The following AGBL1 variants were observed in gnomAD, a reference collection of about 807,000 sequenced individuals.
The protein encoded by AGBL1 is AGBL carboxypeptidase 1, also known as cytosolic carboxypeptidase 4.
In AGBL1, 130 loss-of-function variants were observed where a neutral mutation model predicts 118.9. The observed-to-expected ratio is 1.09, with a 90% CI of 0.95 to 1.26. The LOEUF (loss-of-function observed/expected upper bound fraction) is 1.26. Ranked by LOEUF, AGBL1 falls within the 50% of genes most tolerant of loss-of-function variation. The pLI, the probability that AGBL1 is intolerant of heterozygous loss-of-function variation, is 0.00. For synonymous variants in AGBL1, 555 were observed against 478.9 expected, an observed-to-expected ratio of 1.16 and a Z score of -2.08; for missense variants, 1,584 against 1,298.1, an observed-to-expected ratio of 1.22 and a Z score of -3.38.
chr15:86,680,286 C>T (rs368345429), intron 22 of AGBL1, among the ~76,000 whole-genome samples: 11 of 152,060 alleles, frequency 7.2e-5, no homozygotes, highest in African/African-American at 1.4e-4. Flanking sequence ...ATTCATCTTA[C>T]ATTTTTCAGA....
chr15:86,660,917 A>G (rs1007823713), intron 21 of AGBL1, among the ~76,000 whole-genome samples: 12 of 152,202 alleles, frequency 7.9e-5, no homozygotes, highest in Non-Finnish European at 1.5e-4. Flanking sequence ...AGTATTAATG[A>G]AGGAGAGTTT....
At chr15:86,184,042 C>T (rs754650723) in intron 5 of AGBL1, among the ~76,000 whole-genome samples, 1 of 152,154 alleles carries the variant, frequency 6.6e-6, no homozygotes, top group Non-Finnish European at 1.5e-5. Flanking sequence ...AGCTGGTGTA[C>T]ACATTCCTTA....
intron 19 of AGBL1, among the ~76,000 whole-genome samples, chr15:86,542,365 T>A (rs1201414395): frequency 2.0e-5 from 1 of 49,898 alleles, no homozygotes; most frequent in Non-Finnish European, 5.2e-5. Context: ...GATTTTTTTT[T>A]TTTTTTTTTT....
chr15:86,215,872 A>G (rs1322781590), intron 5 of AGBL1, among the ~76,000 whole-genome samples: 1 of 152,176 alleles, frequency 6.6e-6, no homozygotes, highest in East Asian at 1.9e-4. Flanking sequence ...GACTACTGCA[A>G]TAGTTAGGTG....
intron 19 of AGBL1, among the ~76,000 whole-genome samples, chr15:86,530,221 G>T (rs560983970): frequency 2.9e-5 from 4 of 136,542 alleles, no homozygotes; most frequent in South Asian, 2.2e-4. Flanking sequence ...CCCATCTCAC[G>T]TGCAGAGACA....
intron 22 of AGBL1, among the ~76,000 whole-genome samples, chr15:86,833,795 C>T (rs1465233842): frequency 6.6e-6 from 1 of 152,106 alleles, no homozygotes; most frequent in East Asian, 1.9e-4. Context: ...GCTATGTCCC[C>T]AGTACTTAAG....
At chr15:86,091,036 T>C (rs1481478886) in intron 1 of AGBL1, among the ~76,000 whole-genome samples, 2 of 152,182 alleles carry the variant, frequency 1.3e-5, no homozygotes, top group Non-Finnish European at 2.9e-5. Context: ...GTTTCTTGGC[T>C]GGGCTTTAGG....
chr15:86,915,252 ATAGTAT>A lies in AGBL1; in HGVS notation c.*7962_*7967del, dbSNP rs1163857720. 2 of 152,020 alleles carry A rather than the reference ATAGTAT, an allele frequency of 1.3e-5. No individual in the cohort carries two copies. Among genetic ancestry groups the A allele is most frequent in the Non-Finnish European group, 2.9e-5 (2 of 68,038 alleles). 9.4% of individuals were successfully genotyped at this position (152,020 alleles called of 1,614,324 possible). A position where few individuals can be genotyped will look rare whatever the true frequency, so the allele number is the denominator to read the frequency against. ...AACCCTTTCATCCCTGTGCAGCCTG[ATAGTAT>A]TAGGAAGGAAAACCGGCTTCTACTT... is the stretch of plus-strand genomic sequence containing the variant. On this transcript the variant is annotated 3_prime_UTR_variant, in exon 23 of 23. Transcript: ENST00000614907.
At chr15:86,801,148 C>T (rs368064557) in intron 22 of AGBL1, among the ~76,000 whole-genome samples, 60 of 152,166 alleles carry the variant, frequency 3.9e-4, no homozygotes, top group African/African-American at 1.4e-3. Context: ...CAGCTTCAAA[C>T]GTTGCCTTTT....
chr15:86,082,262 G>A (rs2064096787), intron 1 of AGBL1, among the ~76,000 whole-genome samples: 1 of 152,194 alleles, frequency 6.6e-6, no homozygotes, highest in South Asian at 2.1e-4. Flanking sequence ...ACTTAAACTA[G>A]GTGAGCTCAC....
intron 21 of AGBL1, among the ~76,000 whole-genome samples, chr15:86,595,667 C>T (rs2084395372): frequency 6.6e-6 from 1 of 152,168 alleles, no homozygotes; most frequent in Non-Finnish European, 1.5e-5. Flanking sequence ...TTCTTTCCCA[C>T]TGCACAGATA....
At chr15:86,136,568 T>G (rs1443802417) in intron 1 of AGBL1, among the ~76,000 whole-genome samples, 1 of 152,192 alleles carries the variant, frequency 6.6e-6, no homozygotes, top group African/African-American at 2.4e-5. Context: ...AGAATTAACA[T>G]ATGCTACAAA....
intron 17 of AGBL1, among the ~76,000 whole-genome samples, chr15:86,387,027 G>T (rs180981478): frequency 2.6e-5 from 4 of 152,096 alleles, no homozygotes; most frequent in African/African-American, 9.7e-5. Flanking sequence ...AATAATTCCC[G>T]TGTAGACAAC....
chr15:86,959,253 T>C (rs1224523473), intron 23 of AGBL1, among the ~76,000 whole-genome samples: 1 of 152,152 alleles, frequency 6.6e-6, no homozygotes, highest in East Asian at 1.9e-4. Flanking sequence ...AAGGTATTCT[T>C]GTCCAATTGA....
At chr15:86,147,318 A>C (rs2077045969) in intron 3 of AGBL1, among the ~76,000 whole-genome samples, 1 of 152,212 alleles carries the variant, frequency 6.6e-6, no homozygotes, top group Non-Finnish European at 1.5e-5. Context: ...GCGTCGCCTC[A>C]CCTGAGAAGA....
At chr15:86,121,348 C>T (rs546696947) in intron 1 of AGBL1, among the ~76,000 whole-genome samples, 11 of 152,246 alleles carry the variant, frequency 7.2e-5, no homozygotes, top group Non-Finnish European at 1.0e-4. Flanking sequence ...CAAAAATATA[C>T]ACCAATGTGG....
chr15:86,634,571 G>T (rs1282243117), intron 21 of AGBL1, among the ~76,000 whole-genome samples: 1 of 152,164 alleles, frequency 6.6e-6, no homozygotes, highest in Non-Finnish European at 1.5e-5. Flanking sequence ...AATGGGAAGT[G>T]TCTGCTAATG....
In AGBL1 at chr15:86,419,390, G is replaced by A. The variant is rs992874106; in HGVS notation, c.2555+21844G>A. Among the ~76,000 whole-genome samples the A allele has an allele frequency of 1.9e-4, 29 of 152,242 alleles. No homozygotes were observed. In the South Asian group the frequency reaches 2.7e-3, roughly 14 times the overall value. ...AACTCCCTCGTAGCCAAGGGAAGCC[G>A]TGAGGCACTGTGCCATGAGGAATGA... On this transcript the variant is annotated intron_variant, in intron 18 of 22. Transcript: ENST00000614907.
At chr15:86,238,016 C>T (rs961444642) in intron 6 of AGBL1, among the ~76,000 whole-genome samples, 5 of 152,208 alleles carry the variant, frequency 3.3e-5, no homozygotes, top group African/African-American at 1.2e-4. Flanking sequence ...ATCCCCAGAT[C>T]TCTGCATCCT....
Sources: gnomAD v4.1 joint callset for allele counts (sites outside exome capture counted in the v4.1 genomes callset) on GRCh38, gnomAD v4.1.1 for gene constraint, MANE v1.5 for transcripts, NCBI Gene and HGNC (gene_info 2026-07-23, HGNC 2026-07-21) for gene names.